IQSEC1: variants seen among roughly 807,000 people sequenced by gnomAD.
The protein encoded by IQSEC1 is IQ motif and Sec7 domain ArfGEF 1.
In IQSEC1, 31 loss-of-function variants were observed where a neutral mutation model predicts 91.0. That is an observed-to-expected ratio of 0.34 (90% confidence interval 0.26 to 0.46). The LOEUF is 0.46. Among genes scored for constraint, IQSEC1 ranks in the 20% least tolerant of loss-of-function variants. The pLI, the probability that IQSEC1 is intolerant of heterozygous loss-of-function variation, is 1.00. For synonymous variants in IQSEC1, 699 were observed against 662.6 expected (o/e 1.05, Z -0.84); for missense variants, 1,388 against 1,575.6 (o/e 0.88, Z 2.02).
chr3:13,266,498 C>T (rs1028715980), intron 1 of IQSEC1, among the ~76,000 whole-genome samples: 1 of 152,098 alleles, frequency 6.6e-6, no homozygotes, highest in Non-Finnish European at 1.5e-5. Flanking sequence ...CAGGGACTTT[C>T]TCATTAAACC....
chr3:13,194,706 G>A (rs958136273), intron 1 of IQSEC1, among the ~76,000 whole-genome samples: 3 of 152,062 alleles, frequency 2.0e-5, no homozygotes, highest in Non-Finnish European at 4.4e-5. Flanking sequence ...CGAGGTCCGT[G>A]CTTCCTCCTT....
At chr3:12,978,336 C>T (rs948717271) in intron 1 of IQSEC1, among the ~76,000 whole-genome samples, 1 of 152,202 alleles carries the variant, frequency 6.6e-6, no homozygotes, top group African/African-American at 2.4e-5. Flanking sequence ...GCAGCAGCCT[C>T]AGCTGGGAAT....
chr3:12,933,306 T>G (rs1028275456), intron 3 of IQSEC1, among the ~76,000 whole-genome samples: 1 of 152,166 alleles, frequency 6.6e-6, no homozygotes, highest in Non-Finnish European at 1.5e-5. Context: ...ACTGTCACAC[T>G]AGTGCTAGTT....
At chr3:12,918,832 T>C (rs1575901313) in intron 6 of IQSEC1, among the ~76,000 whole-genome samples, 1 of 152,038 alleles carries the variant, frequency 6.6e-6, no homozygotes, top group Middle Eastern at 3.4e-3. Context: ...AATAAATAAA[T>C]AAATAAATGT....
rs899944545 is a variant in IQSEC1, at chr3:12,940,644, G to A, written c.318+927C>T. Among the ~76,000 whole-genome samples, 1 of 151,946 alleles carries A rather than the reference G, an allele frequency of 6.6e-6. No homozygotes were observed. Among genetic ancestry groups the A allele is most frequent in the Admixed American group, 6.5e-5 (1 of 15,274 alleles). The stretch of plus-strand genomic sequence containing the variant: ...CCCAGGAGCTGGGGAGAGTCTGACA[G>A]CCCTCCCCAGCCTGCCCCTGCAAGC... On this transcript the variant is annotated intron_variant, in intron 2 of 13. Coordinates refer to ENST00000613206, the MANE Select transcript of IQSEC1 (RefSeq NM_001134382.3). The surrounding 1 kb of genome is among the most constrained non-coding windows in gnomAD (Gnocchi z 4.4).
At chr3:12,981,204 T>G (rs1182812259) in intron 1 of IQSEC1, among the ~76,000 whole-genome samples, 1 of 152,222 alleles carries the variant, frequency 6.6e-6, no homozygotes, top group African/African-American at 2.4e-5. Context: ...TGCCACTTCC[T>G]AGCTGTGTTG....
At chr3:13,175,957 G>T (rs1415743456) in intron 1 of IQSEC1, among the ~76,000 whole-genome samples, 1 of 152,230 alleles carries the variant, frequency 6.6e-6, no homozygotes, top group African/African-American at 2.4e-5. Flanking sequence ...ATTTACGAAT[G>T]CTGGGGGCAC....
rs150105872 is a variant in IQSEC1 at position 13,265,981 on chromosome 3, C to G, written c.272+16730G>C. On this transcript the variant is annotated intron_variant, in intron 1 of 15. Coordinates refer to the IQSEC1 transcript ENST00000648114. ...GCTATCTCAGCCACACACCCCATGC[C>G]CATCTAGTGCAGGGCTCCCTTTCAC... Among the ~76,000 whole-genome samples, 1,437 of 151,716 alleles carry G rather than the reference C, an allele frequency of 9.5e-3. 15 individuals carry two copies. The highest frequency in any genetic ancestry group is 0.027 in the Middle Eastern group (8 of 294).
In IQSEC1 at chr3:13,207,391, C is replaced by T. The variant is rs1479124276; in HGVS notation, c.273-43258G>A. On this transcript the variant is annotated intron_variant, in intron 1 of 15. Coordinates refer to the IQSEC1 transcript ENST00000648114. This position sits in a 1 kb window ranked among gnomAD's most constrained non-coding sequence, Gnocchi z 4.8. ...ACGGCCACCTCCCTGACCCAAGCCC[C>T]GTCTTCTCTGCCAGGTCCCTGGGAC... Among the ~76,000 whole-genome samples the T allele has an allele frequency of 3.9e-5, 6 of 152,146 alleles. No individual in the cohort carries two copies. Among genetic ancestry groups the T allele is most frequent in the Non-Finnish European group, 7.4e-5 (5 of 68,022 alleles).
At chr3:13,050,822 T>G (rs1384935844) in intron 1 of IQSEC1, among the ~76,000 whole-genome samples, 1 of 152,244 alleles carries the variant, frequency 6.6e-6, no homozygotes, top group Non-Finnish European at 1.5e-5. Context: ...TGCATGATAT[T>G]CAATATACCT....
chr3:13,222,977 C>A (rs911729130), intron 1 of IQSEC1, among the ~76,000 whole-genome samples: 2 of 152,210 alleles, frequency 1.3e-5, no homozygotes, highest in African/African-American at 2.4e-5. Flanking sequence ...ATCCACTTAC[C>A]AAGGTGTCGA....
chr3:13,054,640 GCA>G (rs1282322499), intron 1 of IQSEC1, among the ~76,000 whole-genome samples: 3 of 152,224 alleles, frequency 2.0e-5, no homozygotes, highest in Admixed American at 2.0e-4. Flanking sequence ...GGGACGGGAT[GCA>G]GTCAGCCCTC....
intron 1 of IQSEC1, among the ~76,000 whole-genome samples, chr3:13,045,702 G>A (rs1005649976): frequency 6.6e-6 from 1 of 152,242 alleles, no homozygotes; most frequent in Non-Finnish European, 1.5e-5. Context: ...CTGACTGGCC[G>A]GCGGAGTGGA....
At position 13,166,289 on chromosome 3, in the gene IQSEC1, T is replaced by C. The variant is rs111685227; in HGVS notation, c.273-2156A>G. Among the ~76,000 whole-genome samples, 188 of 152,306 alleles carry C rather than the reference T, an allele frequency of 1.2e-3. 1 individual carries two copies. The highest frequency in any genetic ancestry group is 4.4e-3 in the African/African-American group (184 of 41,554). On this transcript the variant is annotated intron_variant, in intron 1 of 15. Coordinates refer to the IQSEC1 transcript ENST00000648114. ...GCCTTCACTCAGGACCACGTGAAGC[T>C]CTCTATTTATGTCTCTTAGGATCTA...
rs899450478 is a variant in IQSEC1, at chr3:12,924,979, C to T, written c.1569-237G>A. 6.6e-6 allele frequency among the ~76,000 whole-genome samples: 1 copy of T among 152,238 alleles called. No individual in the cohort carries two copies. Among genetic ancestry groups the T allele is most frequent in the East Asian group, 1.9e-4 (1 of 5,196 alleles). ...CCAGGCATCCTGCCCTGTCCCAAAA[C>T]CCAAATATGGGGGACCTGGTACAAA... On this transcript the variant is annotated intron_variant, in intron 3 of 13. Transcript: ENST00000613206. This position sits in a 1 kb window ranked among gnomAD's most constrained non-coding sequence, Gnocchi z 6.3.
At chr3:13,245,978 C>T (rs1412032396) in intron 1 of IQSEC1, among the ~76,000 whole-genome samples, 1 of 152,086 alleles carries the variant, frequency 6.6e-6, no homozygotes, top group Non-Finnish European at 1.5e-5. Flanking sequence ...AAGTTGAAGG[C>T]TAGGCCTGTC....
chr3:13,213,586 C>T (rs142734531), intron 1 of IQSEC1, among the ~76,000 whole-genome samples: 6 of 152,190 alleles, frequency 3.9e-5, no homozygotes, highest in African/African-American at 1.4e-4. Flanking sequence ...ACGGCTCCTT[C>T]AACTTTATGT....
Position 12,936,310 on chromosome 3 carries a change from G to C in IQSEC1, c.706C>G (p.Leu236Val). The change falls in exon 3 of 14, where the codon CTG (leucine) becomes GTG (valine). Residue 236 changes from leucine (L) to valine (V), a missense_variant. Leu to Val is a conservative substitution (Grantham distance 32). Coordinates refer to ENST00000613206, the MANE Select transcript of IQSEC1 (RefSeq NM_001134382.3). ...AGGGCATCGTCGATGGACTCGGCCA[G>C]TGATTTCACTTGCCTAGAGAAGGCG... is the stretch of plus-strand genomic sequence containing the variant. ...EDAFSRQVKS[L>V]AESIDDALNC... The C allele has an allele frequency of 6.2e-7, 1 of 1,612,586 alleles. No homozygotes were observed. Among genetic ancestry groups the C allele is most frequent in the Non-Finnish European group, 8.5e-7 (1 of 1,179,368 alleles).
intron 2 of IQSEC1, among the ~76,000 whole-genome samples, chr3:13,118,716 C>G (rs1706375033): frequency 6.6e-6 from 1 of 152,116 alleles, no homozygotes; most frequent in Non-Finnish European, 1.5e-5. Flanking sequence ...AGAACGAGTT[C>G]TGGAGATGGA....
Sources: allele counts gnomAD v4.1 joint callset (sites outside exome capture counted in the v4.1 genomes callset), GRCh38; gene constraint gnomAD v4.1.1; non-coding constraint Gnocchi (gnomAD v3.1); transcripts MANE v1.5; gene names NCBI Gene and HGNC (gene_info 2026-07-23, HGNC 2026-07-21).